PLCXD3: variants seen among roughly 807,000 people sequenced by gnomAD.
PLCXD3 encodes phosphatidylinositol specific phospholipase C X domain containing 3.
PLCXD3 carries 19 observed loss-of-function variants against 25.5 expected under a neutral mutation model. The ratio of observed to expected loss-of-function variants is 0.75; its 90% CI spans 0.52 to 1.09. PLCXD3 has a LOEUF of 1.09. PLCXD3 is among the 50% of genes least tolerant of loss of function. The pLI is 0.00. For synonymous variants in PLCXD3, 174 were observed against 137.6 expected, an observed-to-expected ratio of 1.26 and a Z score of -1.85; for missense variants, 411 against 388.1, an observed-to-expected ratio of 1.06 and a Z score of -0.50.
chr5:41,349,113 T>A (rs888200906), intron 2 of PLCXD3, among the ~76,000 whole-genome samples: 6 of 152,176 alleles, frequency 3.9e-5, no homozygotes, highest in Non-Finnish European at 8.8e-5. Flanking sequence ...AGTCCACATA[T>A]CCATGTGTTA....
At chr5:41,431,821 C>T (rs1747115874) in intron 1 of PLCXD3, among the ~76,000 whole-genome samples, 1 of 152,074 alleles carries the variant, frequency 6.6e-6, no homozygotes, top group Non-Finnish European at 1.5e-5. Flanking sequence ...GAATTCAAAT[C>T]ACACTTTATT....
chr5:41,454,136 C>T (rs1437536971), intron 1 of PLCXD3, among the ~76,000 whole-genome samples: 1 of 151,892 alleles, frequency 6.6e-6, no homozygotes, highest in Non-Finnish European at 1.5e-5. Context: ...ATATTAATGT[C>T]CATTCACAAC....
intron 2 of PLCXD3, among the ~76,000 whole-genome samples, chr5:41,324,239 A>G (rs1365263516): frequency 6.6e-6 from 1 of 152,212 alleles, no homozygotes; most frequent in African/African-American, 2.4e-5. Flanking sequence ...CTCCTTTTGG[A>G]AACTAAGAAG....
intron 1 of PLCXD3, among the ~76,000 whole-genome samples, chr5:41,424,851 G>A (rs1746916155): frequency 6.6e-6 from 1 of 152,060 alleles, no homozygotes; most frequent in African/African-American, 2.4e-5. Flanking sequence ...TGGGGAAGCA[G>A]GATTTTGTAT....
chr5:41,466,032 C>T (rs913026175), intron 1 of PLCXD3, among the ~76,000 whole-genome samples: 2 of 152,084 alleles, frequency 1.3e-5, no homozygotes, highest in African/African-American at 4.8e-5. Context: ...TTTCGTTTAT[C>T]ATTTTCCCCT....
chr5:41,337,163 G>A (rs1744006498), intron 2 of PLCXD3, among the ~76,000 whole-genome samples: 1 of 152,106 alleles, frequency 6.6e-6, no homozygotes, highest in Non-Finnish European at 1.5e-5. Context: ...CTTAGGCAGT[G>A]TACCGTACAT....
intron 1 of PLCXD3, among the ~76,000 whole-genome samples, chr5:41,408,449 C>A (rs2150502321): frequency 6.6e-6 from 1 of 152,234 alleles, no homozygotes; most frequent in Non-Finnish European, 1.5e-5. Context: ...TTCTGCTTAT[C>A]TGATCTGAGT....
intron 2 of PLCXD3, among the ~76,000 whole-genome samples, chr5:41,339,404 G>C (rs1163939911): frequency 6.6e-6 from 1 of 152,064 alleles, no homozygotes; most frequent in African/African-American, 2.4e-5. Flanking sequence ...GTCTCTTCTG[G>C]CTGGCTTTAG....
chr5:41,469,202 A>C (rs147877765), intron 1 of PLCXD3, among the ~76,000 whole-genome samples: 1 of 152,190 alleles, frequency 6.6e-6, no homozygotes, highest in Non-Finnish European at 1.5e-5. Flanking sequence ...ATATTGAACC[A>C]TTTTTGCTTC....
intron 1 of PLCXD3, among the ~76,000 whole-genome samples, chr5:41,491,805 T>C (rs1748704047): frequency 1.3e-5 from 2 of 152,242 alleles, no homozygotes; most frequent in East Asian, 3.9e-4. Flanking sequence ...TCCTTCATCC[T>C]TTTATTTTGA....
Position 41,382,199 on chromosome 5 carries a change from A to G in PLCXD3, c.439T>C (p.Phe147Leu). The change falls in exon 2 of 3, where the codon TTT (phenylalanine) becomes CTT (leucine). Residue 147 changes from phenylalanine to leucine, a missense_variant. By Grantham distance (22) the Phe-to-Leu change is conservative. Transcript: ENST00000377801. ...TGGTGATATTTCTGCATCCCATAAA[A>G]GTGGTTGAAGTCCAAGAACACTACC... is the stretch of plus-strand genomic sequence containing the variant. Reference protein sequence around the residue: ...KEVVFLDFNHFYGMQKYHHEK... With the variant: ...KEVVFLDFNHLYGMQKYHHEK... 1 of 1,613,780 alleles carries G rather than the reference A, an allele frequency of 6.2e-7. No homozygotes were observed. Among genetic ancestry groups the G allele is most frequent in the Non-Finnish European group, 8.5e-7 (1 of 1,179,806 alleles).
chr5:41,358,042 T>G (rs1744667721), intron 2 of PLCXD3, among the ~76,000 whole-genome samples: 1 of 152,232 alleles, frequency 6.6e-6, no homozygotes, highest in Admixed American at 6.5e-5. Flanking sequence ...TTGAATATCC[T>G]TACAAAAATA....
rs190197298 is a variant in PLCXD3, at chr5:41,308,877, A to G, written c.*4740T>C. ...TTAATATATGAATTGATGTTTGATT[A>G]TTACGAAAAGCAATGGGGTACCTCA... is the stretch of plus-strand genomic sequence containing the variant. On this transcript the variant is annotated 3_prime_UTR_variant, in exon 3 of 3. Transcript: ENST00000377801. 1 of 152,636 alleles carries G rather than the reference A, an allele frequency of 6.6e-6. No homozygotes were observed. Among genetic ancestry groups the G allele is most frequent in the Admixed American group, 6.5e-5 (1 of 15,282 alleles). The allele number at this position is 152,636 out of a possible 1,614,324, so 9.5% of individuals were successfully genotyped here. A position where few individuals can be genotyped will look rare whatever the true frequency, so the allele number is the denominator to read the frequency against.
At chr5:41,370,829 T>C (rs189264129) in intron 2 of PLCXD3, among the ~76,000 whole-genome samples, 9 of 152,338 alleles carry the variant, frequency 5.9e-5, no homozygotes, top group African/African-American at 2.2e-4. Context: ...TCCTGCTTCC[T>C]TGTGCCCTGA....
chr5:41,405,535 A>G (rs2150501327), intron 1 of PLCXD3, among the ~76,000 whole-genome samples: 1 of 152,204 alleles, frequency 6.6e-6, no homozygotes, highest in South Asian at 2.1e-4. Context: ...GCAGTCTCTC[A>G]TGTACACACA....
chr5:41,427,015 C>T (rs1267145832), intron 1 of PLCXD3, among the ~76,000 whole-genome samples: 1 of 152,062 alleles, frequency 6.6e-6, no homozygotes, highest in East Asian at 1.9e-4. Flanking sequence ...TATAAATTAT[C>T]AATCTCTCCT....
intron 1 of PLCXD3, among the ~76,000 whole-genome samples, chr5:41,389,928 A>C (rs1470744322): frequency 6.6e-6 from 1 of 152,142 alleles, no homozygotes; most frequent in Non-Finnish European, 1.5e-5. Context: ...TATGCATCCA[A>C]GCAATTGCCA....
intron 1 of PLCXD3, among the ~76,000 whole-genome samples, chr5:41,421,467 C>T (rs1367538865): frequency 1.3e-5 from 2 of 151,696 alleles, no homozygotes; most frequent in Middle Eastern, 3.2e-3. Flanking sequence ...TTTGGGAGGC[C>T]GAGGCGGGCT....
At chr5:41,467,793 G>A (rs1297578237) in intron 1 of PLCXD3, among the ~76,000 whole-genome samples, 1 of 151,956 alleles carries the variant, frequency 6.6e-6, no homozygotes, top group Non-Finnish European at 1.5e-5. Flanking sequence ...CAGTTTTCCC[G>A]ACACCATTAA....
Sources: gnomAD v4.1 joint callset for allele counts (sites outside exome capture counted in the v4.1 genomes callset) on GRCh38, gnomAD v4.1.1 for gene constraint, MANE v1.5 for transcripts, NCBI Gene and HGNC (gene_info 2026-07-23, HGNC 2026-07-21) for gene names.